ANKRD7: variants seen among roughly 807,000 people sequenced by gnomAD.
ANKRD7 encodes the protein ankyrin repeat domain-containing protein 7.
In ANKRD7, 30 loss-of-function variants were observed where a neutral mutation model predicts 30.8. The ratio of observed to expected loss-of-function variants is 0.97; its 90% CI spans 0.73 to 1.32. ANKRD7 has a LOEUF of 1.32. Among genes scored for constraint, ANKRD7 ranks in the 40% most tolerant of loss-of-function variants. The pLI, the probability that ANKRD7 is intolerant of heterozygous loss-of-function variation, is 0.00. For synonymous variants in ANKRD7, 97 were observed against 106.6 expected (o/e 0.91, Z 0.55); for missense variants, 264 against 295.7 (o/e 0.89, Z 0.79).
chr7:118,226,846 G>GA (rs1037479784), intron 1 of ANKRD7, among the ~76,000 whole-genome samples: 7 of 151,830 alleles, frequency 4.6e-5, no homozygotes, highest in African/African-American at 1.5e-4. Flanking sequence ...TATAGCTATT[G>GA]AAAAAAATCT....
intron 1 of ANKRD7, 121 bp downstream of exon 1, chr7:118,225,130 G>A (rs1333626831): frequency 8.7e-7 from 1 of 1,152,940 alleles, no homozygotes; most frequent in East Asian, 2.6e-5. Context: ...AAAGAAGAGA[G>A]ATTGTCTGGT....
At chr7:118,241,158 C>A (rs1484820858) in intron 6 of ANKRD7, among the ~76,000 whole-genome samples, 6 of 81,690 alleles carry the variant, frequency 7.3e-5, no homozygotes, top group Admixed American at 2.0e-4. Flanking sequence ...GAGACTCCGT[C>A]TCAAAAAAAA....
chr7:118,228,481 G>C (rs1809581527), intron 1 of ANKRD7, among the ~76,000 whole-genome samples: 1 of 152,012 alleles, frequency 6.6e-6, no homozygotes, highest in African/African-American at 2.4e-5. Flanking sequence ...GCTACCAATG[G>C]GATATCAACT....
chr7:118,238,972 C>T (rs913592792), intron 5 of ANKRD7, among the ~76,000 whole-genome samples: 1 of 152,078 alleles, frequency 6.6e-6, no homozygotes, highest in African/African-American at 2.4e-5. Flanking sequence ...ATAGGGTTGG[C>T]CCTAATTTAA....
intron 1 of ANKRD7, 119 bp downstream of exon 1, chr7:118,225,128 G>C: frequency 8.6e-7 from 1 of 1,165,650 alleles, no homozygotes; most frequent in Non-Finnish European, 1.2e-6. Context: ...CCAAAGAAGA[G>C]AGATTGTCTG....
chr7:118,237,031 A>G (rs1204023821), intron 5 of ANKRD7, 105 bp downstream of exon 5: 3 of 1,170,160 alleles, frequency 2.6e-6, no homozygotes, highest in Middle Eastern at 2.5e-4. Flanking sequence ...CAGTAGGGGT[A>G]ACCACATACA....
intron 1 of ANKRD7, among the ~76,000 whole-genome samples, chr7:118,226,843 A>T (rs1029245475): frequency 2.0e-5 from 3 of 152,142 alleles, no homozygotes; most frequent in Non-Finnish European, 4.4e-5. Context: ...TTATATAGCT[A>T]TTGAAAAAAA....
intron 1 of ANKRD7, among the ~76,000 whole-genome samples, chr7:118,230,673 C>T (rs1809621816): frequency 6.6e-6 from 1 of 150,664 alleles, no homozygotes; most frequent in Non-Finnish European, 1.5e-5. Context: ...GAGAGAGATA[C>T]TGAAAATGAG....
At chr7:118,230,956 AT>A (rs1243787409) in intron 1 of ANKRD7, among the ~76,000 whole-genome samples, 2 of 152,052 alleles carry the variant, frequency 1.3e-5, no homozygotes, top group South Asian at 2.1e-4. Flanking sequence ...AGTAAAAAAA[AT>A]GATACTGAAA....
Position 118,224,793 on chromosome 7 carries a change from C to T in ANKRD7, c.-38C>T, listed in dbSNP as rs770732142. The T allele has an allele frequency of 4.4e-6, 7 of 1,583,316 alleles. No homozygotes were observed. The highest frequency in any genetic ancestry group is 6.0e-6 in the Non-Finnish European group (7 of 1,168,054). ...GGCGGACGGCTAGGAGTTCAAGAAACATCCTGGTCTGAGGGAAAGGCTGCA... is the reference window on the plus strand; with the variant it reads ...GGCGGACGGCTAGGAGTTCAAGAAATATCCTGGTCTGAGGGAAAGGCTGCA... On this transcript the variant is annotated 5_prime_UTR_variant, in exon 1 of 7. Transcript: ENST00000265224.
At chr7:118,228,337 G>C (rs913118374) in intron 1 of ANKRD7, among the ~76,000 whole-genome samples, 6 of 152,074 alleles carry the variant, frequency 3.9e-5, no homozygotes, top group Admixed American at 2.0e-4. Context: ...ACCTCTTGCT[G>C]CCTATATTTA....
chr7:118,236,994 CA>C, intron 5 of ANKRD7, 68 bp downstream of exon 5: 1 of 1,539,690 alleles, frequency 6.5e-7, no homozygotes, highest in Non-Finnish European at 8.9e-7. Flanking sequence ...GCCTAAGCCC[CA>C]AAGTACAAGG....
intron 6 of ANKRD7, among the ~76,000 whole-genome samples, chr7:118,241,142 C>T (rs370057314): frequency 3.7e-5 from 4 of 109,416 alleles, no homozygotes; most frequent in Non-Finnish European, 5.0e-5. Flanking sequence ...GCCTGGGCGA[C>T]AGAGCGAGAC....
chr7:118,239,769 G>T, intron 5 of ANKRD7, 140 bp from the exon 6 acceptor site: 1 of 401,828 alleles, frequency 2.5e-6, no homozygotes, highest in Non-Finnish European at 4.5e-6. Context: ...TGACAGAGTT[G>T]GCTCAAGAGG....
At chr7:118,232,787 G>A (rs1809664139) in intron 1 of ANKRD7, among the ~76,000 whole-genome samples, 1 of 151,766 alleles carries the variant, frequency 6.6e-6, no homozygotes, top group African/African-American at 2.4e-5. Flanking sequence ...AAAAATTGGA[G>A]TTGGAGGGAG....
At chr7:118,239,014 G>A (rs1347855010) in intron 5 of ANKRD7, among the ~76,000 whole-genome samples, 1 of 152,148 alleles carries the variant, frequency 6.6e-6, no homozygotes, top group African/African-American at 2.4e-5. Context: ...AAAAGGGGAG[G>A]TTAGAACATG....
chr7:118,225,227 C>G (rs1372443957), intron 1 of ANKRD7, among the ~76,000 whole-genome samples: 1 of 152,124 alleles, frequency 6.6e-6, no homozygotes, highest in African/African-American at 2.4e-5. Flanking sequence ...TTGCTCACGT[C>G]TGTAATCCTA....
Position 118,239,953 on chromosome 7 carries a change from G to A in ANKRD7, c.757G>A (p.Ala253Thr), listed in dbSNP as rs576496837. Residue 253 changes from alanine (A) to threonine (T), a missense_variant, in exon 6 of 7, where the codon GCT becomes ACT. Ala to Thr is a moderately conservative substitution (Grantham distance 58, BLOSUM62 0). Coordinates refer to ENST00000265224, the MANE Select transcript of ANKRD7 (RefSeq NM_019644.4). The stretch of plus-strand genomic sequence containing the variant: ...TGCGAGCCATGGAAAGAAGAAACAT[G>A]CTAAATAGACACCTTATTCTTGGCA... ...FTASHGKKKH[A>T]K 3.0e-5 allele frequency: 48 copies of A among 1,595,256 alleles called. No individual in the cohort carries two copies. In the East Asian group the frequency reaches 9.9e-4, roughly 33 times the overall value.
intron 1 of ANKRD7, among the ~76,000 whole-genome samples, 166 bp from the exon 2 acceptor site, chr7:118,234,265 A>T (rs2116011903): frequency 6.6e-6 from 1 of 152,282 alleles, no homozygotes; most frequent in East Asian, 1.9e-4. Context: ...GCAGCCCTGA[A>T]AGTTCAATAA....
Sources: gnomAD v4.1 joint callset for allele counts (sites outside exome capture counted in the v4.1 genomes callset) on GRCh38, gnomAD v4.1.1 for gene constraint, MANE v1.5 for transcripts, NCBI Gene and HGNC (gene_info 2026-07-23, HGNC 2026-07-21) for gene names.